The following RYR1 variants were observed in gnomAD, a reference collection of about 807,000 sequenced individuals.
RYR1 encodes the protein central core disease of muscle.
Under a neutral mutation model 583.5 loss-of-function variants are expected in RYR1, and 342 were observed. That is an observed-to-expected ratio of 0.59 (90% confidence interval 0.54 to 0.64). The LOEUF (loss-of-function observed/expected upper bound fraction) is 0.64, where lower values mean the gene tolerates loss of function less well. Ranked by LOEUF, RYR1 falls within the 30% of genes least tolerant of loss-of-function variation. RYR1 has a pLI of 0.00. For synonymous variants in RYR1, 2,791 were observed against 2,822.5 expected (o/e 0.99, Z 0.35); for missense variants, 6,032 against 6,917.2 (o/e 0.87, Z 4.54).
At chr19:38,481,772 C>G (rs1016691967) in intron 31 of RYR1, among the ~76,000 whole-genome samples, 1 of 151,284 alleles carries the variant, frequency 6.6e-6, no homozygotes, top group Non-Finnish European at 1.5e-5. Context: ...GGTGGCAGAG[C>G]GAGACACTGC....
chr19:38,549,174 G>A (rs569463918), intron 89 of RYR1, among the ~76,000 whole-genome samples: 1 of 152,114 alleles, frequency 6.6e-6, no homozygotes, highest in Admixed American at 6.6e-5. Context: ...GGGAAGTGCT[G>A]GAACATCCTT....
At chr19:38,507,640 G>A (rs542984058) in intron 57 of RYR1, 72 bp from the exon 58 acceptor site, 2 of 975,916 alleles carry the variant, frequency 2.0e-6, no homozygotes, top group Admixed American at 3.4e-5. Flanking sequence ...AGGAGCAGAG[G>A]CGGACCTGAG....
At chr19:38,467,852 G>T (rs768943783) in intron 25 of RYR1, 40 bp downstream of exon 25, 1 of 1,600,550 alleles carries the variant, frequency 6.2e-7, no homozygotes, top group Non-Finnish European at 8.5e-7. Flanking sequence ...AGGTCCTGTG[G>T]TCTCTCCCAC....
At chr19:38,538,584 C>A (rs548208986) in intron 84 of RYR1, 1 of 153,650 alleles carries the variant, frequency 6.5e-6, no homozygotes, top group East Asian at 1.9e-4. Flanking sequence ...TGCCAAAGTT[C>A]TATACACGTG....
At chr19:38,553,724 A>G (rs867578651) in intron 89 of RYR1, among the ~76,000 whole-genome samples, 1 of 151,614 alleles carries the variant, frequency 6.6e-6, no homozygotes, top group African/African-American at 2.4e-5. Context: ...TTTCCAATCC[A>G]CTCTTCCCCA....
chr19:38,499,266 A>G lies in RYR1; in HGVS notation c.7027+23A>G. On this transcript the variant is annotated intron_variant, in intron 43 of 105. Coordinates refer to ENST00000359596, the MANE Select transcript of RYR1 (RefSeq NM_000540.3). This position sits in a 1 kb window ranked among gnomAD's most constrained non-coding sequence, Gnocchi z 7.3. ...ACGGTGAGGAGGGGGTGGCAGTGGC[A>G]GAGCGGGAAGTATGGAGTCACTGGT... The G allele has an allele frequency of 1.7e-5, 28 of 1,614,104 alleles. No individual in the cohort carries two copies. Among genetic ancestry groups the G allele is most frequent in the Non-Finnish European group, 2.3e-5 (27 of 1,179,994 alleles).
At position 38,561,997 on chromosome 19, in the gene RYR1, C is replaced by T. The variant is rs182223176; in HGVS notation, c.12624+543C>T. 6.6e-6 allele frequency among the ~76,000 whole-genome samples: 1 copy of T among 152,118 alleles called. No individual in the cohort carries two copies. The highest frequency in any genetic ancestry group is 2.4e-5 in the African/African-American group (1 of 41,412). ...CATCACGTTTGCCCCCAGATGCCTT[C>T]TGAAGTCCTAGCATATGTGTACCCC... On this transcript the variant is annotated intron_variant, in intron 90 of 105. Transcript: ENST00000359596. This position sits in a 1 kb window ranked among gnomAD's most constrained non-coding sequence, Gnocchi z 4.8.
chr19:38,457,175 T>G (rs1967456212), intron 16 of RYR1, among the ~76,000 whole-genome samples: 1 of 152,068 alleles, frequency 6.6e-6, no homozygotes, highest in Non-Finnish European at 1.5e-5. Context: ...AATTTCATCT[T>G]GATTCCTGTG....
Position 38,486,347 on chromosome 19 carries a change from A to G in RYR1, c.5547+145A>G, listed in dbSNP as rs116279285. 1.1e-3 allele frequency: 1,187 copies of G among 1,098,154 alleles called. 10 individuals carry two copies. The African/African-American group carries it at 0.016, about 14-fold the overall frequency. The allele number at this position is 1,098,154 out of a possible 1,614,324, so 68.0% of individuals were successfully genotyped here. A position where few individuals can be genotyped will look rare whatever the true frequency, so the allele number is the denominator to read the frequency against. On this transcript the variant is annotated intron_variant, in intron 34 of 105. Coordinates refer to ENST00000359596, the MANE Select transcript of RYR1 (RefSeq NM_000540.3). ...TATACATCCATCCACCTTTCTTTTT[A>G]TTATTATTATTTTTTCGAGACGGAG...
chr19:38,463,900 G>A (rs763580343), intron 22 of RYR1, 50 bp downstream of exon 22: 26 of 1,371,864 alleles, frequency 1.9e-5, no homozygotes, highest in Non-Finnish European at 2.2e-5. Flanking sequence ...GGTGCGGTGG[G>A]GGAGGGAGGC....
intron 71 of RYR1, among the ~76,000 whole-genome samples, chr19:38,526,568 G>A (rs1971474182): frequency 7.4e-6 from 1 of 135,702 alleles, no homozygotes; most frequent in Non-Finnish European, 1.6e-5. Flanking sequence ...CCCCCACCCT[G>A]CTGATGCCCC....
rs1600825341 is a variant in RYR1, at chr19:38,500,808, T to C, written c.7445-13T>C. 1.1e-6 allele frequency: 1 copy of C among 902,018 alleles called. No homozygotes were observed. The highest frequency in any genetic ancestry group is 1.7e-6 in the Non-Finnish European group (1 of 591,444). The allele number at this position is 902,018 out of a possible 1,614,324, so 55.9% of individuals were successfully genotyped here. On this transcript the variant is annotated splice_polypyrimidine_tract_variant and intron_variant, in intron 46 of 105. Transcript: ENST00000359596. The surrounding 1 kb of genome is among the most constrained non-coding windows in gnomAD (Gnocchi z 5.9). ...CCGCAGGGCATCCCCGAACCCACCC[T>C]CCCTGCCTGCAGATGGGGCTCTGGT...
At position 38,587,387 on chromosome 19, in the gene RYR1, T is replaced by C. The variant is rs758735802; in HGVS notation, c.15084T>C (p.Cys5028=). The C allele has an allele frequency of 1.6e-4, 264 of 1,613,894 alleles. No homozygotes were observed. Among genetic ancestry groups the C allele is most frequent in the Non-Finnish European group, 2.2e-4 (257 of 1,180,002 alleles). The change falls in exon 106 of 106, where the codon TGT becomes TGC. Residue 5028 remains cysteine, a synonymous_variant. Transcript: ENST00000359596. ...GGGATTTCTTCCCAGCTGGTGATTG[T>C]TTCCGTAAGCAGTATGAGGACCAGC... The part of the protein sequence containing the change: ...RCWDFFPAGD[C]FRKQYEDQLS
chr19:38,548,225 G>C lies in RYR1; in HGVS notation c.12095-8G>C. 1 of 1,614,134 alleles carries C rather than the reference G, an allele frequency of 6.2e-7. No homozygotes were observed. The highest frequency in any genetic ancestry group is 8.5e-7 in the Non-Finnish European group (1 of 1,180,030). On this transcript the variant is annotated splice_region_variant and splice_polypyrimidine_tract_variant and intron_variant, in intron 88 of 105. Transcript: ENST00000359596. ...TCACCGGCCACACTGACCTGGGGCT[G>C]CCTGCAGGGAACGTGGTGAACGGCA...
At chr19:38,577,186 G>A (rs1045656968) in intron 97 of RYR1, among the ~76,000 whole-genome samples, 3 of 152,040 alleles carry the variant, frequency 2.0e-5, no homozygotes, top group East Asian at 1.9e-4. Flanking sequence ...GCGCCCAGCC[G>A]ATTGCCTGCC....
intron 89 of RYR1, among the ~76,000 whole-genome samples, chr19:38,554,681 C>T (rs945663799): frequency 6.6e-6 from 1 of 151,656 alleles, no homozygotes; most frequent in Non-Finnish European, 1.5e-5. Flanking sequence ...CTATGTTGCC[C>T]AGGCTGGTCT....
intron 39 of RYR1, 136 bp downstream of exon 39, chr19:38,494,761 C>A: frequency 9.3e-7 from 1 of 1,073,346 alleles, no homozygotes; most frequent in Non-Finnish European, 1.4e-6. Context: ...TAGCTCACCT[C>A]CTGGGTAATG....
At position 38,515,099 on chromosome 19, in the gene RYR1, T is replaced by C. The variant is rs780192158; in HGVS notation, c.9546T>C (p.Tyr3182=). The C allele has an allele frequency of 2.7e-5, 44 of 1,600,694 alleles. No homozygotes were observed. Among genetic ancestry groups the C allele is most frequent in the Non-Finnish European group, 3.4e-5 (40 of 1,173,880 alleles). Residue 3182 remains tyrosine (Y), a synonymous_variant, in exon 64 of 106, where the codon TAT becomes TAC. Coordinates refer to ENST00000359596, the MANE Select transcript of RYR1 (RefSeq NM_000540.3). ...CCCTGGGAACCACCAAGAACACTTA[T>C]GTGGAAAAGTAAGGAGAGGGAGCCA... ...IYSLGTTKNT[Y]VEKLRPALGE... is the part of the protein sequence containing the mutation.
intron 69 of RYR1, chr19:38,523,613 A>T (rs1971322221): frequency 6.7e-6 from 4 of 595,148 alleles, no homozygotes; most frequent in Non-Finnish European, 8.9e-6. Context: ...CCTCTTCTCC[A>T]AGCCTCTCTC....
Sources: gnomAD v4.1 joint callset for allele counts (sites outside exome capture counted in the v4.1 genomes callset) on GRCh38, gnomAD v4.1.1 for gene constraint, Gnocchi (gnomAD v3.1) non-coding constraint, MANE v1.5 for transcripts, NCBI Gene and HGNC (gene_info 2026-07-23, HGNC 2026-07-21) for gene names.